PRSS41: variants seen among roughly 807,000 people sequenced by gnomAD.
PRSS41 encodes serine protease 41, also known as protease, serine 41.
In PRSS41, 37 loss-of-function variants were observed where a neutral mutation model predicts 28.8. That is an observed-to-expected ratio of 1.29 (90% CI 0.99 to 1.69). The LOEUF (loss-of-function observed/expected upper bound fraction) is 1.69. Among genes scored for constraint, PRSS41 ranks in the 40% most tolerant of loss-of-function variants. The probability of loss-of-function intolerance (pLI) is 0.00; values close to 1 mark genes in which losing one functional copy is unlikely to be tolerated. For synonymous variants in PRSS41, 195 were observed against 163.1 expected, an observed-to-expected ratio of 1.20 and a Z score of -1.49; for missense variants, 431 against 400.7, an observed-to-expected ratio of 1.08 and a Z score of -0.65.
At position 2,799,268 on chromosome 16, in the gene PRSS41, T is replaced by C; in HGVS notation, c.258-18T>C. ...CCCCCTATTCCAAGGCTCCCCGCCC[T>C]CTCTCCTTTTCTGCTAGGCACTACT... On this transcript the variant is annotated intron_variant, in intron 3 of 5. Coordinates refer to ENST00000399677, the Ensembl canonical transcript of PRSS41. 1 of 1,550,292 alleles carries C rather than the reference T, an allele frequency of 6.5e-7. No homozygotes were observed. Among genetic ancestry groups the C allele is most frequent in the Non-Finnish European group, 8.7e-7 (1 of 1,146,470 alleles).
intron 4 of PRSS41, among the ~76,000 whole-genome samples, chr16:2,800,786 A>G (rs928195697): frequency 6.6e-6 from 1 of 152,134 alleles, no homozygotes; most frequent in African/African-American, 2.4e-5. Flanking sequence ...CTTACTGTAA[A>G]CTTTTTACTT....
chr16:2,801,577 C>G (rs1347995897), intron 4 of PRSS41, among the ~76,000 whole-genome samples: 1 of 151,456 alleles, frequency 6.6e-6, no homozygotes, highest in African/African-American at 2.4e-5. Flanking sequence ...ATCTGTTTAA[C>G]AAAGCACATC....
chr16:2,801,652 TG>T (rs1175450185), intron 4 of PRSS41, among the ~76,000 whole-genome samples: 1 of 150,980 alleles, frequency 6.6e-6, no homozygotes, highest in Non-Finnish European at 1.5e-5. Flanking sequence ...AGCACAGGGT[TG>T]GGGGTAAGGT....
Position 2,799,617 on chromosome 16 carries a change from C to T in PRSS41, c.541+48C>T, listed in dbSNP as rs1242288353. On this transcript the variant is annotated intron_variant, in intron 4 of 5. Coordinates refer to ENST00000399677, the Ensembl canonical transcript of PRSS41. ...TGGGGTGATGGGGGTGCGGGGTGAG[C>T]ATTACCCTCTACCCCTGTTCCCGCT... 4 of 1,525,548 alleles carry T rather than the reference C, an allele frequency of 2.6e-6. No individual in the cohort carries two copies. In the African/African-American group the frequency reaches 4.1e-5, roughly 16 times the overall value. The allele number at this position is 1,525,548 out of a possible 1,614,324, so 94.5% of individuals were successfully genotyped here.
intron 2 of PRSS41, 51 bp from the exon 3 acceptor site, chr16:2,798,908 G>GGCCCCCCCCCCCCCCCCC: frequency 1.4e-6 from 2 of 1,415,400 alleles, no homozygotes; most frequent in Non-Finnish European, 1.9e-6. Flanking sequence ...GGGCGGGCCT[G>GGCCCCCCCCCCCCCCCCC]CCCACCCCAC....
chr16:2,799,137 G>C lies in PRSS41; in HGVS notation c.257+13G>C, dbSNP rs2068968447. ...ACTGCTTCCAAAAGTGAGTCTGGGG[G>C]GCGGCCGGGGCCTCAGACTTGCTAA... On this transcript the variant is annotated intron_variant, in intron 3 of 5. Transcript: ENST00000399677. The C allele has an allele frequency of 6.6e-7, 1 of 1,509,780 alleles. No homozygotes were observed. Among genetic ancestry groups the C allele is most frequent in the Non-Finnish European group, 8.8e-7 (1 of 1,132,232 alleles). The allele number at this position is 1,509,780 out of a possible 1,614,324, so 93.5% of individuals were successfully genotyped here.
In PRSS41 at chr16:2,799,136, G is replaced by A. The variant is rs2068968427; in HGVS notation, c.257+12G>A. The A allele has an allele frequency of 6.6e-7, 1 of 1,509,486 alleles. No individual in the cohort carries two copies. The highest frequency in any genetic ancestry group is 8.8e-7 in the Non-Finnish European group (1 of 1,132,202). 93.5% of individuals were successfully genotyped at this position (1,509,486 alleles called of 1,614,324 possible). On this transcript the variant is annotated intron_variant, in intron 3 of 5. Transcript: ENST00000399677. The stretch of plus-strand genomic sequence containing the variant: ...CACTGCTTCCAAAAGTGAGTCTGGG[G>A]GGCGGCCGGGGCCTCAGACTTGCTA...
rs1272083930 is a variant in PRSS41, at chr16:2,798,956, C to T, written c.92-3C>T. 20 of 1,532,598 alleles carry T rather than the reference C, an allele frequency of 1.3e-5. 1 individual carries two copies. In the South Asian group the frequency reaches 2.4e-4, roughly 18 times the overall value. 94.9% of individuals were successfully genotyped at this position (1,532,598 alleles called of 1,614,324 possible). A position where few individuals can be genotyped will look rare whatever the true frequency, so the allele number is the denominator to read the frequency against. ...CTCAGCCGCGTCCGTCTGTCCATCC[C>T]AGAGGCCTGCGGCCACCGGGAAATT... On this transcript the variant is annotated splice_polypyrimidine_tract_variant and splice_region_variant and intron_variant, in intron 2 of 5. Transcript: ENST00000399677.
chr16:2,804,460 C>T, exon 5 of PRSS41: 2 of 1,551,662 alleles, frequency 1.3e-6, no homozygotes, highest in Non-Finnish European at 1.7e-6. Flanking sequence ...GTGTAATTAC[C>T]TGTTTGAACA....
chr16:2,801,555 C>A (rs370882519), intron 4 of PRSS41, among the ~76,000 whole-genome samples: 1 of 151,652 alleles, frequency 6.6e-6, no homozygotes, highest in African/African-American at 2.4e-5. Context: ...AACGAGCATG[C>A]TGCCTTCAAG....
chr16:2,798,767 A>C (rs1414872855), intron 2 of PRSS41, among the ~76,000 whole-genome samples, 105 bp downstream of exon 2: 2 of 151,960 alleles, frequency 1.3e-5, no homozygotes, highest in Non-Finnish European at 2.9e-5. Flanking sequence ...TGATGCTCTC[A>C]AGTAACTAAT....
intron 4 of PRSS41, among the ~76,000 whole-genome samples, chr16:2,800,083 A>G (rs1011224117): frequency 4.6e-5 from 7 of 152,228 alleles, no homozygotes; most frequent in African/African-American, 7.2e-5. Context: ...CCCAGATGGC[A>G]GAGCCTGCTA....
At chr16:2,803,138 C>T (rs2069000836) in intron 4 of PRSS41, among the ~76,000 whole-genome samples, 1 of 152,204 alleles carries the variant, frequency 6.6e-6, no homozygotes, top group Non-Finnish European at 1.5e-5. Flanking sequence ...AAGCCCTTTA[C>T]ATTAAGAGTA....
chr16:2,801,947 G>A (rs2068989488), intron 4 of PRSS41, among the ~76,000 whole-genome samples: 4 of 149,132 alleles, frequency 2.7e-5, no homozygotes, highest in African/African-American at 7.4e-5. Context: ...CCTCCCGGAC[G>A]GGGCGGCTGG....
chr16:2,802,000 C>T lies in PRSS41; in HGVS notation c.542-2389C>T, dbSNP rs1282878866. On this transcript the variant is annotated intron_variant, in intron 4 of 5. Coordinates refer to ENST00000399677, the Ensembl canonical transcript of PRSS41. Reference sequence around the variant, plus strand: ...CCCCCCACCTCCCTCCCGGACGGGGCGGCTGGCCGGGCGTGGGGCTGACCC... The same window carrying T: ...CCCCCCACCTCCCTCCCGGACGGGGTGGCTGGCCGGGCGTGGGGCTGACCC... Among the ~76,000 whole-genome samples, 13 of 148,928 alleles carry T rather than the reference C, an allele frequency of 8.7e-5. No homozygotes were observed. The South Asian group carries it at 1.9e-3, about 22-fold the overall frequency.
At chr16:2,802,487 G>A (rs1308115091) in intron 4 of PRSS41, among the ~76,000 whole-genome samples, 10 of 152,284 alleles carry the variant, frequency 6.6e-5, no homozygotes, top group African/African-American at 9.6e-5. Context: ...GATGGCGGCC[G>A]GGCAGAGGCT....
At position 2,799,589 on chromosome 16, in the gene PRSS41, G is replaced by A. The variant is rs115926249; in HGVS notation, c.541+20G>A. ...GTGGCAGTGAGGCTGGGGATAGACC[G>A]GGTGGGGTGATGGGGGTGCGGGGTG... is the stretch of plus-strand genomic sequence containing the variant. On this transcript the variant is annotated intron_variant, in intron 4 of 5. Transcript: ENST00000399677. 204 of 1,549,548 alleles carry A rather than the reference G, an allele frequency of 1.3e-4. No homozygotes were observed. In the African/African-American group the frequency reaches 2.5e-3, roughly 19 times the overall value.
exon 4 of PRSS41, chr16:2,799,439 G>C (rs560513349): frequency 4.5e-6 from 7 of 1,552,096 alleles, no homozygotes; most frequent in Middle Eastern, 1.7e-4. Context: ...ACATTGCCCT[G>C]CTGAGACTGG....
intron 4 of PRSS41, among the ~76,000 whole-genome samples, chr16:2,802,516 G>C (rs937537862): frequency 3.9e-5 from 6 of 152,210 alleles, no homozygotes; most frequent in African/African-American, 1.4e-4. Context: ...GGCACTTTGG[G>C]AGGCCAAGGC....
Sources: allele counts gnomAD v4.1 joint callset (sites outside exome capture counted in the v4.1 genomes callset), GRCh38; gene constraint gnomAD v4.1.1; transcripts MANE v1.5; gene names NCBI Gene and HGNC (gene_info 2026-07-23, HGNC 2026-07-21).